Variants in CPD observed in about 807,000 individuals in gnomAD.
The protein encoded by CPD is carboxypeptidase D, also known as metallocarboxypeptidase D.
In CPD, 69 loss-of-function variants were observed where a neutral mutation model predicts 138.3. The observed-to-expected ratio is 0.50, with a 90% CI of 0.41 to 0.61. The LOEUF is 0.61. CPD is among the 20% of genes least tolerant of loss of function. The pLI is 0.00. For synonymous variants in CPD, 651 were observed against 642.1 expected, an observed-to-expected ratio of 1.01 and a Z score of -0.21; for missense variants, 1,432 against 1,733.3, an observed-to-expected ratio of 0.83 and a Z score of 3.09.
intron 17 of CPD, among the ~76,000 whole-genome samples, chr17:30,459,647 C>A (rs984270584): frequency 6.6e-6 from 1 of 152,010 alleles, no homozygotes; most frequent in Non-Finnish European, 1.5e-5. Context: ...CCTTGTCATT[C>A]CATTTGAATT....
intron 8 of CPD, 121 bp from the exon 9 acceptor site, chr17:30,438,854 C>T (rs1912771866): frequency 1.8e-6 from 1 of 554,748 alleles, no homozygotes. Context: ...ACCCCACTCC[C>T]ACCTCCACCC....
At chr17:30,402,311 A>G (rs1447062532) in intron 2 of CPD, among the ~76,000 whole-genome samples, 2 of 152,170 alleles carry the variant, frequency 1.3e-5, no homozygotes, top group Non-Finnish European at 2.9e-5. Flanking sequence ...CACACCTGTA[A>G]TCTCAGCAAT....
chr17:30,427,409 T>C lies in CPD; in HGVS notation c.1868T>C (p.Ile623Thr), dbSNP rs761858271. ...CATACAGGAGATTCAATAAGTGTAA[T>C]TGGCAGAAACAACAGCAACAACTTT... Reference protein sequence around the residue: ...KSQEGDSISVIGRNNSNNFDL... With the variant: ...KSQEGDSISVTGRNNSNNFDL... Residue 623 changes from isoleucine to threonine, a missense_variant, in exon 7 of 21, where the codon ATT becomes ACT. Transcript: ENST00000225719. The C allele has an allele frequency of 1.9e-6, 3 of 1,613,974 alleles. No homozygotes were observed. The highest frequency in any genetic ancestry group is 3.3e-5 in the Admixed American group (2 of 60,006).
chr17:30,430,713 GT>G (rs1283156030), intron 7 of CPD, among the ~76,000 whole-genome samples: 1 of 152,226 alleles, frequency 6.6e-6, no homozygotes, highest in South Asian at 2.1e-4. Context: ...AGTGTAAGTG[GT>G]GTGATCATGG....
chr17:30,404,988 T>C (rs1911769183), intron 2 of CPD, among the ~76,000 whole-genome samples: 1 of 152,148 alleles, frequency 6.6e-6, no homozygotes, highest in Admixed American at 6.5e-5. Context: ...TATGTTAAAT[T>C]CCATATGGAT....
chr17:30,457,218 A>T (rs573916370), intron 17 of CPD, among the ~76,000 whole-genome samples: 49 of 152,330 alleles, frequency 3.2e-4, no homozygotes, highest in African/African-American at 1.1e-3. Context: ...ATGTAAGTAG[A>T]ATCATACAAT....
intron 1 of CPD, among the ~76,000 whole-genome samples, chr17:30,384,377 A>G (rs1452411643): frequency 6.6e-6 from 1 of 152,240 alleles, no homozygotes; most frequent in East Asian, 1.9e-4. Context: ...TAAAAAGCAT[A>G]AAAGTTATTA....
intron 8 of CPD, among the ~76,000 whole-genome samples, chr17:30,438,116 T>A (rs183787323): frequency 5.2e-4 from 79 of 151,480 alleles, no homozygotes; most frequent in Admixed American, 2.6e-3. Context: ...AGTGTTGGGA[T>A]TACAGGTGTG....
chr17:30,427,181 C>CAA (rs35109982), intron 6 of CPD, among the ~76,000 whole-genome samples: 1 of 74,296 alleles, frequency 1.3e-5, no homozygotes, highest in African/African-American at 5.2e-5. Flanking sequence ...GACTCCATCT[C>CAA]AAAAAAAAAA....
At chr17:30,387,299 A>G (rs1246439789) in intron 2 of CPD, among the ~76,000 whole-genome samples, 1 of 152,000 alleles carries the variant, frequency 6.6e-6, no homozygotes, top group Admixed American at 6.6e-5. Context: ...TTGTATTTTT[A>G]GTAGAGATAG....
chr17:30,448,781 C>T (rs372763255), intron 12 of CPD, among the ~76,000 whole-genome samples: 52 of 151,998 alleles, frequency 3.4e-4, no homozygotes, highest in South Asian at 2.1e-4. Context: ...TAAAATATAA[C>T]GTGACTTATT....
chr17:30,461,039 T>G (rs1473689642), intron 17 of CPD, 141 bp from the exon 18 acceptor site: 1 of 537,950 alleles, frequency 1.9e-6, no homozygotes, highest in Non-Finnish European at 3.1e-6. Context: ...TTATTTATAT[T>G]TGTCATAAAA....
At chr17:30,406,167 G>A (rs1173580510) in intron 2 of CPD, among the ~76,000 whole-genome samples, 2 of 151,444 alleles carry the variant, frequency 1.3e-5, no homozygotes, top group Non-Finnish European at 2.9e-5. Context: ...CTTAAATATG[G>A]TCTTATCAAA....
chr17:30,421,852 T>A lies in CPD; in HGVS notation c.1307+19T>A. 2 of 1,554,786 alleles carry A rather than the reference T, an allele frequency of 1.3e-6. No homozygotes were observed. Among genetic ancestry groups the A allele is most frequent in the Non-Finnish European group, 1.8e-6 (2 of 1,128,780 alleles). ...TAACTGGGTAAGAATTTAAACTATG[T>A]AGACTCTTAGTTAAAATGTCAAGTC... On this transcript the variant is annotated intron_variant, in intron 4 of 20. Transcript: ENST00000225719.
intron 2 of CPD, among the ~76,000 whole-genome samples, chr17:30,389,038 C>A (rs1047099445): frequency 6.6e-6 from 1 of 152,194 alleles, no homozygotes; most frequent in Non-Finnish European, 1.5e-5. Flanking sequence ...CGCCCCGCCC[C>A]CGAAGCACAG....
In CPD at chr17:30,384,988, G is replaced by T; in HGVS notation, c.747-1G>T. On this transcript the variant is annotated splice_acceptor_variant, in intron 1 of 20. Transcript: ENST00000225719. LOFTEE classifies it high-confidence loss of function. The stretch of plus-strand genomic sequence containing the variant: ...TACGTGATTTGGTTGTATTTTCAAA[G>T]GTTTGTGCTTTCTGGAAATCTGCAT... 6.2e-7 allele frequency: 1 copy of T among 1,611,930 alleles called. No individual in the cohort carries two copies. Among genetic ancestry groups the T allele is most frequent in the Non-Finnish European group, 8.5e-7 (1 of 1,178,504 alleles).
At chr17:30,410,720 C>T (rs1017490858) in intron 2 of CPD, among the ~76,000 whole-genome samples, 4 of 152,170 alleles carry the variant, frequency 2.6e-5, no homozygotes, top group African/African-American at 9.7e-5. Flanking sequence ...GTAGATCTTC[C>T]TCCATCCCTT....
At chr17:30,417,823 A>C (rs568202962) in intron 2 of CPD, among the ~76,000 whole-genome samples, 8 of 151,454 alleles carry the variant, frequency 5.3e-5, no homozygotes, top group African/African-American at 1.7e-4. Flanking sequence ...ATGAAATGCC[A>C]TTTTTTTTTA....
At chr17:30,412,189 C>CTGCAGAACAGCAAATAT (rs372458041) in intron 2 of CPD, among the ~76,000 whole-genome samples, 2 of 152,206 alleles carry the variant, frequency 1.3e-5, no homozygotes, top group African/African-American at 2.4e-5. Context: ...CCAGTGGAGG[C>CTGCAGAACAGCAAATAT]TGCAGAACAG....
Sources: gnomAD v4.1 joint callset for allele counts (sites outside exome capture counted in the v4.1 genomes callset) on GRCh38, gnomAD v4.1.1 for gene constraint, MANE v1.5 for transcripts, NCBI Gene and HGNC (gene_info 2026-07-23, HGNC 2026-07-21) for gene names.